The following VSIR variants were observed in gnomAD, a reference collection of about 807,000 sequenced individuals.
The protein encoded by VSIR is V-set immunoregulatory receptor, also known as V-type immunoglobulin domain-containing suppressor of T-cell activation.
Under a neutral mutation model 31.0 loss-of-function variants are expected in VSIR, and 10 were observed. The ratio of observed to expected loss-of-function variants is 0.32; its 90% CI spans 0.20 to 0.55. VSIR has a LOEUF of 0.55. Among genes scored for constraint, VSIR ranks in the 20% least tolerant of loss-of-function variants. The pLI is 0.93. For missense variants in VSIR, 356 were observed against 416.2 expected, an observed-to-expected ratio of 0.86 and a Z score of 1.26; for synonymous variants, 179 against 180.1, an observed-to-expected ratio of 0.99 and a Z score of 0.05.
Position 71,750,663 on chromosome 10 carries a change from T to G in VSIR, c.*590A>C, listed in dbSNP as rs2132862608. 1 of 152,682 alleles carries G rather than the reference T, an allele frequency of 6.5e-6. No individual in the cohort carries two copies. Among genetic ancestry groups the G allele is most frequent in the Non-Finnish European group, 1.5e-5 (1 of 68,228 alleles). 9.5% of individuals were successfully genotyped at this position (152,682 alleles called of 1,614,324 possible). On this transcript the variant is annotated 3_prime_UTR_variant, in exon 7 of 7. Transcript: ENST00000394957. ...AGGCAGTGGAAGCCCCAGATTGACT[T>G]AACCTGTTGACAGATCTTCAGAGAA...
intron 3 of VSIR, 35 bp downstream of exon 3, chr10:71,760,831 CAG>C (rs764197826): frequency 1.9e-6 from 3 of 1,595,478 alleles, no homozygotes; most frequent in Non-Finnish European, 2.6e-6. Flanking sequence ...CAGAAGAAAA[CAG>C]AGAACCCAAA....
intron 1 of VSIR, among the ~76,000 whole-genome samples, chr10:71,769,755 T>A (rs976123010): frequency 6.6e-6 from 1 of 152,248 alleles, no homozygotes; most frequent in African/African-American, 2.4e-5. Context: ...GCTAAAGGAA[T>A]GGGCTTGCTT....
Position 71,765,411 on chromosome 10 carries a change from C to G in VSIR, c.83-3385G>C, listed in dbSNP as rs920412822. The stretch of plus-strand genomic sequence containing the variant: ...TAGAGCTGGCAGCCAAAGCAAGATG[C>G]GCAAAGCTGAGCTGGGTGGGGTTGG... On this transcript the variant is annotated intron_variant, in intron 1 of 6. Transcript: ENST00000394957. Among the ~76,000 whole-genome samples, 5 of 152,280 alleles carry G rather than the reference C, an allele frequency of 3.3e-5. No individual in the cohort carries two copies. The East Asian group carries it at 9.7e-4, about 29-fold the overall frequency.
chr10:71,752,233 A>T (rs924600986), intron 5 of VSIR, among the ~76,000 whole-genome samples: 3 of 152,134 alleles, frequency 2.0e-5, no homozygotes, highest in Non-Finnish European at 2.9e-5. Context: ...AGGATCGAAC[A>T]TCCCCAAAGC....
At chr10:71,760,038 C>CATATATATACACACACAT (rs796179515) in intron 3 of VSIR, among the ~76,000 whole-genome samples, 27 of 22,866 alleles carry the variant, frequency 1.2e-3, no homozygotes, top group Non-Finnish European at 3.8e-3. Context: ...CACACACACA[C>CATATATATACACACACAT]ATATATACAC....
intron 5 of VSIR, 129 bp downstream of exon 5, chr10:71,752,846 C>A: frequency 8.9e-7 from 1 of 1,122,308 alleles, no homozygotes; most frequent in South Asian, 1.6e-5. Flanking sequence ...CAGGCTTCAG[C>A]AGCAGATGGC....
chr10:71,755,048 CAGCAACTTGCTTTTATAA>C, intron 4 of VSIR: 1 of 527,340 alleles, frequency 1.9e-6, no homozygotes, highest in East Asian at 4.9e-5. Context: ...CTCTGAGTGG[CAGCAACTTGCTTTTATAA>C]AGCAACTTGA....
chr10:71,755,007 C>A (rs566887092), intron 4 of VSIR: 9 of 467,334 alleles, frequency 1.9e-5, no homozygotes, highest in Non-Finnish European at 3.8e-5. Flanking sequence ...AAAACAAGCA[C>A]GCCCATACCT....
intron 5 of VSIR, among the ~76,000 whole-genome samples, chr10:71,752,437 G>C (rs1173356131): frequency 6.6e-6 from 1 of 152,108 alleles, no homozygotes; most frequent in African/African-American, 2.4e-5. Flanking sequence ...CAGGAACTTG[G>C]GTTCCCTGAA....
chr10:71,759,282 C>T (rs972593398), intron 3 of VSIR, among the ~76,000 whole-genome samples: 7 of 151,994 alleles, frequency 4.6e-5, no homozygotes, highest in African/African-American at 1.7e-4. Flanking sequence ...AAGCGATCTG[C>T]CTGCCTTGAC....
In VSIR at chr10:71,760,221, G is replaced by A. The variant is rs1451782565; in HGVS notation, c.568+647C>T. Among the ~76,000 whole-genome samples, 235 of 27,080 alleles carry A rather than the reference G, an allele frequency of 8.7e-3. 75 individuals carry two copies. The highest frequency in any genetic ancestry group is 0.03 in the African/African-American group (215 of 7,074). 17.8% of individuals were successfully genotyped at this position (27,080 alleles called of 152,430 possible). A position where few individuals can be genotyped will look rare whatever the true frequency, so the allele number is the denominator to read the frequency against. On this transcript the variant is annotated intron_variant, in intron 3 of 6. Coordinates refer to ENST00000394957, the MANE Select transcript of VSIR (RefSeq NM_022153.2). ...TACATATATATGTGTGTATATATGT[G>A]TATATATATGTATATACATATATAT...
At chr10:71,763,601 C>A (rs1840453678) in intron 1 of VSIR, among the ~76,000 whole-genome samples, 1 of 152,214 alleles carries the variant, frequency 6.6e-6, no homozygotes, top group Non-Finnish European at 1.5e-5. Flanking sequence ...CTGTACTGGA[C>A]CAGTAGCTGT....
chr10:71,752,206 A>G (rs545116104), intron 5 of VSIR: 6 of 429,826 alleles, frequency 1.4e-5, no homozygotes, highest in Non-Finnish European at 2.7e-5. Context: ...TCTTTGGTCA[A>G]TAGAGTTGAT....
Position 71,760,310 on chromosome 10 carries a change from C to CAT in VSIR, c.568+557_568+558insAT, listed in dbSNP as rs1292726780. 5.4e-4 allele frequency among the ~76,000 whole-genome samples: 69 copies of CAT among 127,216 alleles called. 7 individuals carry two copies. Among genetic ancestry groups the CAT allele is most frequent in the Non-Finnish European group, 9.1e-4 (52 of 57,318 alleles). 83.5% of individuals were successfully genotyped at this position (127,216 alleles called of 152,430 possible). On this transcript the variant is annotated intron_variant, in intron 3 of 6. Coordinates refer to ENST00000394957, the MANE Select transcript of VSIR (RefSeq NM_022153.2). ...ATATGTGTATATATATGTATATACA[C>CAT]ACACATATATATATATATATATCCC... is the stretch of plus-strand genomic sequence containing the variant.
intron 4 of VSIR, among the ~76,000 whole-genome samples, chr10:71,754,057 T>C (rs1283771257): frequency 6.6e-6 from 1 of 152,192 alleles, no homozygotes; most frequent in African/African-American, 2.4e-5. Context: ...CCCAGCCCTT[T>C]CCTTTTCTTT....
rs1839930479 is a variant in VSIR at position 71,749,229 on chromosome 10, C to T, written c.*2024G>A. On this transcript the variant is annotated 3_prime_UTR_variant, in exon 7 of 7. Transcript: ENST00000394957. ...TGGGCTTGTCCTTCGACTCCAGGAACAGCAGGTGTCCTGTCCCCACTCCTG... is the reference window on the plus strand; with the variant it reads ...TGGGCTTGTCCTTCGACTCCAGGAATAGCAGGTGTCCTGTCCCCACTCCTG... The T allele has an allele frequency of 6.6e-6, 1 of 152,300 alleles. No homozygotes were observed. Among genetic ancestry groups the T allele is most frequent in the African/African-American group, 2.4e-5 (1 of 41,466 alleles). 9.4% of individuals were successfully genotyped at this position (152,300 alleles called of 1,614,324 possible).
Position 71,751,786 on chromosome 10 carries a change from C to T in VSIR, c.780G>A (p.Arg260=). The change falls in exon 6 of 7, where the codon AGG becomes AGA. Residue 260 remains arginine (R), a synonymous_variant. Coordinates refer to ENST00000394957, the MANE Select transcript of VSIR (RefSeq NM_022153.2). This position sits in a 1 kb window ranked among gnomAD's most constrained non-coding sequence, Gnocchi z 4.9. ...PAQGIPEAKV[R]HPLSYVAQRQ... ...GCTGGGCCACATAGGACAGGGGGTGCCTGACTTTGGCCTCGGGTATCCCCT... is the reference window on the plus strand; with the variant it reads ...GCTGGGCCACATAGGACAGGGGGTGTCTGACTTTGGCCTCGGGTATCCCCT... 1 of 1,599,660 alleles carries T rather than the reference C, an allele frequency of 6.3e-7. No homozygotes were observed. The highest frequency in any genetic ancestry group is 2.2e-5 in the East Asian group (1 of 44,502).
rs893943494 is a variant in VSIR, at chr10:71,764,639, G to A, written c.83-2613C>T. ...TCAGTAGCAGCTTTTGGGGGGCACC[G>A]GCACTCCAGTTCGCCAGAGTCCGTC... On this transcript the variant is annotated intron_variant, in intron 1 of 6. Coordinates refer to ENST00000394957, the MANE Select transcript of VSIR (RefSeq NM_022153.2). Among the ~76,000 whole-genome samples the A allele has an allele frequency of 9.2e-5, 14 of 152,120 alleles. 1 individual carries two copies. Among genetic ancestry groups the A allele is most frequent in the African/African-American group, 2.2e-4 (9 of 41,424 alleles).
intron 3 of VSIR, among the ~76,000 whole-genome samples, chr10:71,759,886 T>TATATATACACACACACAC (rs1564779254): frequency 5.1e-5 from 3 of 58,578 alleles, no homozygotes; most frequent in African/African-American, 9.9e-5. Flanking sequence ...CACACACACA[T>TATATATACACACACACAC]ATACACACAC....
Sources: allele counts gnomAD v4.1 joint callset (sites outside exome capture counted in the v4.1 genomes callset), GRCh38; gene constraint gnomAD v4.1.1; non-coding constraint Gnocchi (gnomAD v3.1); transcripts MANE v1.5; gene names NCBI Gene and HGNC (gene_info 2026-07-23, HGNC 2026-07-21).